HS6ST3: variants seen among roughly 807,000 people sequenced by gnomAD.
HS6ST3 encodes the protein heparan sulfate 6-O-sulfotransferase 3, also known as heparan-sulfate 6-O-sulfotransferase 3.
HS6ST3 carries 12 observed loss-of-function variants against 36.7 expected under a neutral mutation model. That is an observed-to-expected ratio of 0.33 (90% CI 0.21 to 0.53). The LOEUF is 0.53. Ranked by LOEUF, HS6ST3 falls within the 20% of genes least tolerant of loss-of-function variation. The pLI, the probability that HS6ST3 is intolerant of heterozygous loss-of-function variation, is 0.95. For synonymous variants in HS6ST3, 240 were observed against 257.5 expected, an observed-to-expected ratio of 0.93 and a Z score of 0.65; for missense variants, 584 against 640.9, an observed-to-expected ratio of 0.91 and a Z score of 0.96.
At chr13:96,800,696 A>G (rs759655774) in intron 1 of HS6ST3, among the ~76,000 whole-genome samples, 2 of 151,946 alleles carry the variant, frequency 1.3e-5, no homozygotes, top group African/African-American at 4.8e-5. Context: ...TTATCTTGTT[A>G]TAGTGAATAA....
intron 1 of HS6ST3, among the ~76,000 whole-genome samples, chr13:96,535,578 T>G (rs1002441959): frequency 2.0e-5 from 3 of 147,666 alleles, no homozygotes; most frequent in Admixed American, 1.4e-4. Flanking sequence ...AAAAAAAAAT[T>G]GGAGAATCTT....
intron 1 of HS6ST3, among the ~76,000 whole-genome samples, chr13:96,147,035 A>C (rs1186830349): frequency 5.3e-5 from 8 of 152,216 alleles, no homozygotes; most frequent in Admixed American, 5.2e-4. Context: ...AAAGTCAGCA[A>C]AGTGATTAAG....
intron 1 of HS6ST3, among the ~76,000 whole-genome samples, chr13:96,753,006 G>C (rs772767848): frequency 1.3e-5 from 2 of 152,142 alleles, no homozygotes; most frequent in Non-Finnish European, 2.9e-5. Flanking sequence ...AGTTGTCCTA[G>C]AGCATGTTTT....
chr13:96,464,990 A>ATGTGTGTG (rs1555306472), intron 1 of HS6ST3, among the ~76,000 whole-genome samples: 4 of 113,900 alleles, frequency 3.5e-5, no homozygotes, highest in Non-Finnish European at 7.2e-5. Context: ...GTGTGTGTGC[A>ATGTGTGTG]TGCCCACACA....
chr13:96,295,903 G>C (rs1327189160), intron 1 of HS6ST3, among the ~76,000 whole-genome samples: 1 of 151,926 alleles, frequency 6.6e-6, no homozygotes, highest in Non-Finnish European at 1.5e-5. Flanking sequence ...CTTAATGGAG[G>C]GCCTACTTTG....
chr13:96,716,084 A>C (rs902649693), intron 1 of HS6ST3, among the ~76,000 whole-genome samples: 3 of 152,128 alleles, frequency 2.0e-5, no homozygotes, highest in Non-Finnish European at 2.9e-5. Flanking sequence ...TTTAAAACAC[A>C]TTCAAGCAGC....
chr13:96,670,394 G>A (rs2056678969), intron 1 of HS6ST3, among the ~76,000 whole-genome samples: 2 of 152,110 alleles, frequency 1.3e-5, no homozygotes, highest in African/African-American at 4.8e-5. Context: ...GGAGTTTAAT[G>A]TAAAGAGGAA....
intron 1 of HS6ST3, among the ~76,000 whole-genome samples, chr13:96,711,305 AC>A (rs1460950068): frequency 1.3e-5 from 2 of 152,334 alleles, no homozygotes; most frequent in African/African-American, 4.8e-5. Context: ...CAGTCATAGA[AC>A]TATTTGGAGA....
At chr13:96,259,166 G>A (rs1365685166) in intron 1 of HS6ST3, among the ~76,000 whole-genome samples, 1 of 152,142 alleles carries the variant, frequency 6.6e-6, no homozygotes, top group Non-Finnish European at 1.5e-5. Context: ...CTGTGTGTTT[G>A]TGTGTCCGTG....
chr13:96,450,312 G>A (rs1001340443), intron 1 of HS6ST3, among the ~76,000 whole-genome samples: 6 of 152,132 alleles, frequency 3.9e-5, no homozygotes, highest in Admixed American at 2.6e-4. Context: ...ATTTGCCATA[G>A]GAACTTTTAT....
chr13:96,593,459 G>T (rs2056390871), intron 1 of HS6ST3, among the ~76,000 whole-genome samples: 1 of 151,278 alleles, frequency 6.6e-6, no homozygotes, highest in Non-Finnish European at 1.5e-5. Flanking sequence ...GTCTCCCAAA[G>T]TGCTGGGATT....
At chr13:96,203,828 G>A (rs894125636) in intron 1 of HS6ST3, among the ~76,000 whole-genome samples, 4 of 152,098 alleles carry the variant, frequency 2.6e-5, no homozygotes, top group Admixed American at 6.6e-5. Flanking sequence ...ATACCATTCC[G>A]AATTCCATGC....
intron 1 of HS6ST3, among the ~76,000 whole-genome samples, chr13:96,447,180 C>T (rs940961030): frequency 2.0e-5 from 3 of 152,092 alleles, no homozygotes; most frequent in Admixed American, 2.0e-4. Flanking sequence ...AGCAGCTGAA[C>T]GATTTCTGGA....
rs377550098 is a variant in HS6ST3, at chr13:96,512,893, T to C, written c.708-319597T>C. On this transcript the variant is annotated intron_variant, in intron 1 of 1. Coordinates refer to ENST00000376705, the MANE Select transcript of HS6ST3 (RefSeq NM_153456.4). ...TAACCTCTCATTTTTTTGTTGTTGT[T>C]GTTGTTTCTTATAGTATGGGCAGAT... is the stretch of plus-strand genomic sequence containing the variant. Among the ~76,000 whole-genome samples the C allele has an allele frequency of 3.3e-5, 5 of 152,194 alleles. No individual in the cohort carries two copies. In the East Asian group the frequency reaches 7.7e-4, roughly 23 times the overall value.
intron 1 of HS6ST3, among the ~76,000 whole-genome samples, chr13:96,164,641 C>A (rs915281035): frequency 1.2e-4 from 19 of 152,166 alleles, no homozygotes; most frequent in Middle Eastern, 3.4e-3. Flanking sequence ...CATTCCTCTT[C>A]ACCTATCTGA....
intron 1 of HS6ST3, among the ~76,000 whole-genome samples, chr13:96,462,543 T>A (rs1402068156): frequency 6.6e-6 from 1 of 152,230 alleles, no homozygotes; most frequent in East Asian, 1.9e-4. Flanking sequence ...ATTGAAAGCA[T>A]TCTTTTTAAG....
At chr13:96,624,714 C>T (rs1001129863) in intron 1 of HS6ST3, among the ~76,000 whole-genome samples, 7 of 152,188 alleles carry the variant, frequency 4.6e-5, no homozygotes, top group East Asian at 1.9e-4. Flanking sequence ...TTTCTGTTTT[C>T]GTGTCTGACT....
chr13:96,459,786 T>G (rs1200530700), intron 1 of HS6ST3, among the ~76,000 whole-genome samples: 1 of 152,202 alleles, frequency 6.6e-6, no homozygotes, highest in East Asian at 1.9e-4. Flanking sequence ...TGTTCACATT[T>G]GCTTTTGTAC....
At chr13:96,387,593 G>A (rs1340212080) in intron 1 of HS6ST3, among the ~76,000 whole-genome samples, 1 of 152,138 alleles carries the variant, frequency 6.6e-6, no homozygotes, top group Non-Finnish European at 1.5e-5. Context: ...CCAGTGGAGA[G>A]GCTGGTGTTT....
Sources: gnomAD v4.1 joint callset for allele counts (sites outside exome capture counted in the v4.1 genomes callset) on GRCh38, gnomAD v4.1.1 for gene constraint, MANE v1.5 for transcripts, NCBI Gene and HGNC (gene_info 2026-07-23, HGNC 2026-07-21) for gene names.